The following KDM2A variants were observed in gnomAD, a reference collection of about 807,000 sequenced individuals.
KDM2A encodes lysine-specific demethylase 2A.
Under a neutral mutation model 137.3 loss-of-function variants are expected in KDM2A, and 3 were observed. The observed-to-expected ratio is 0.02, with a 90% CI of 0.01 to 0.06. KDM2A has a LOEUF of 0.06. Ranked by LOEUF, KDM2A falls within the 10% of genes least tolerant of loss-of-function variation. KDM2A has a pLI of 1.00. For missense variants in KDM2A, 738 were observed against 1,510.6 expected (o/e 0.49, Z 8.48); for synonymous variants, 512 against 541.5 (o/e 0.95, Z 0.76).
At chr11:67,193,856 A>G (rs747918113) in intron 5 of KDM2A, among the ~76,000 whole-genome samples, 3 of 152,108 alleles carry the variant, frequency 2.0e-5, no homozygotes, top group Non-Finnish European at 2.9e-5. Context: ...GTGAGACCCC[A>G]TCTCAATACA....
chr11:67,178,573 A>G (rs1158278117), intron 2 of KDM2A, among the ~76,000 whole-genome samples: 2 of 152,270 alleles, frequency 1.3e-5, no homozygotes, highest in South Asian at 2.1e-4. Context: ...CCTGGCAACT[A>G]TGAATCTAGT....
chr11:67,252,460 T>A lies in KDM2A; in HGVS notation c.2769-234T>A, dbSNP rs959490826. 5 of 532,370 alleles carry A rather than the reference T, an allele frequency of 9.4e-6. No homozygotes were observed. In the East Asian group the frequency reaches 1.0e-4, roughly 11 times the overall value. The allele number at this position is 532,370 out of a possible 1,614,324, so 33.0% of individuals were successfully genotyped here. ...CACTCCAGAATAAATCAGGGTAAAG[T>A]GGTCAAGTTATATACTATCAACATG... is the stretch of plus-strand genomic sequence containing the variant. On this transcript the variant is annotated intron_variant, in intron 17 of 20. Coordinates refer to ENST00000529006, the MANE Select transcript of KDM2A (RefSeq NM_012308.3).
chr11:67,175,158 T>G (rs1224457290), intron 2 of KDM2A, among the ~76,000 whole-genome samples: 1 of 152,218 alleles, frequency 6.6e-6, no homozygotes, highest in Non-Finnish European at 1.5e-5. Context: ...CCAGGGTTAC[T>G]GTGAGGATTG....
chr11:67,231,790 C>A lies in KDM2A; in HGVS notation c.1309C>A (p.Gln437Lys). Residue 437 changes from glutamine to lysine, a missense_variant, in exon 12 of 21, where the codon CAA becomes AAA. Around this residue, in one of 9 missense-constraint regions of KDM2A, gnomAD observed 113 missense variants for 133.5 expected, o/e 0.85. Transcript: ENST00000529006. Reference sequence around the variant, plus strand: ...CTGTAGCCGGGGCTCCCACAATGGACAAGTGTGGGATCCCCAGTGTGCTCC... The same window carrying A: ...CTGTAGCCGGGGCTCCCACAATGGAAAAGTGTGGGATCCCCAGTGTGCTCC... ...SDCSRGSHNG[Q>K]VWDPQCAPRK... The A allele has an allele frequency of 6.2e-7, 1 of 1,614,046 alleles. No homozygotes were observed. Among genetic ancestry groups the A allele is most frequent in the East Asian group, 2.2e-5 (1 of 44,890 alleles).
chr11:67,208,490 G>T (rs1857880857), intron 6 of KDM2A, among the ~76,000 whole-genome samples: 1 of 151,992 alleles, frequency 6.6e-6, no homozygotes, highest in Admixed American at 6.6e-5. Context: ...CAACCTTGGG[G>T]CCAGGCGCAG....
intron 2 of KDM2A, among the ~76,000 whole-genome samples, chr11:67,160,250 C>T (rs191097382): frequency 1.3e-5 from 2 of 152,116 alleles, no homozygotes; most frequent in Non-Finnish European, 2.9e-5. Context: ...TCTTTGTAGC[C>T]TCGAGGGATC....
At chr11:67,182,526 A>C (rs1234976329) in intron 5 of KDM2A, among the ~76,000 whole-genome samples, 1 of 135,542 alleles carries the variant, frequency 7.4e-6, no homozygotes, top group Non-Finnish European at 1.5e-5. Context: ...AAAATTGAAT[A>C]AGTCTTTTTT....
chr11:67,202,941 G>A lies in KDM2A; in HGVS notation c.308-4569G>A, dbSNP rs549432547. On this transcript the variant is annotated intron_variant, in intron 5 of 20. Transcript: ENST00000529006. ...GTCCAGGAGTTTGTGGCTGTGGTGA[G>A]CTGTGATTGCACCAGTGCACTCCAG... Among the ~76,000 whole-genome samples the A allele has an allele frequency of 5.3e-5, 8 of 151,592 alleles. No homozygotes were observed. The South Asian group carries it at 1.5e-3, about 28-fold the overall frequency.
chr11:67,179,173 T>C (rs74963484), intron 2 of KDM2A, among the ~76,000 whole-genome samples: 13,164 of 152,282 alleles, frequency 0.086, 1,926 homozygotes, highest in African/African-American at 0.3. Context: ...ATTTTTCATG[T>C]GCTTATTGTA....
intron 10 of KDM2A, among the ~76,000 whole-genome samples, chr11:67,224,476 T>TA (rs1348773231): frequency 2.1e-5 from 3 of 141,772 alleles, no homozygotes; most frequent in Non-Finnish European, 4.6e-5. Context: ...TTTTTTTTTT[T>TA]TTTTTTTGAG....
chr11:67,250,871 A>G lies in KDM2A; in HGVS notation c.2768+73A>G, dbSNP rs1859400468. ...GGCAGGTTTTCCATATGAGAACAGC[A>G]TGCACCTTGGCATCTGAAAGCCTGT... On this transcript the variant is annotated intron_variant, in intron 17 of 20. Transcript: ENST00000529006. The surrounding 1 kb of genome is among the most constrained non-coding windows in gnomAD (Gnocchi z 7.1). 2 of 1,147,318 alleles carry G rather than the reference A, an allele frequency of 1.7e-6. No individual in the cohort carries two copies. Among genetic ancestry groups the G allele is most frequent in the Non-Finnish European group, 2.5e-6 (2 of 801,282 alleles). 71.1% of individuals were successfully genotyped at this position (1,147,318 alleles called of 1,614,324 possible).
At chr11:67,127,172 T>A (rs1471518644) in intron 2 of KDM2A, among the ~76,000 whole-genome samples, 1 of 152,146 alleles carries the variant, frequency 6.6e-6, no homozygotes, top group Non-Finnish European at 1.5e-5. Flanking sequence ...ATCATTCCTC[T>A]TTGTAGCCTC....
In KDM2A at chr11:67,140,194, C is replaced by T. The variant is rs550156709; in HGVS notation, c.42+18836C>T. Among the ~76,000 whole-genome samples, 33 of 151,742 alleles carry T rather than the reference C, an allele frequency of 2.2e-4. 1 individual carries two copies. In the South Asian group the frequency reaches 5.4e-3, roughly 25 times the overall value. The stretch of plus-strand genomic sequence containing the variant: ...TAACCTGGGCAACATGGCGAAATCC[C>T]GTCTCTCCAAAAAATACAAAAATTA... On this transcript the variant is annotated intron_variant, in intron 2 of 20. Coordinates refer to ENST00000529006, the MANE Select transcript of KDM2A (RefSeq NM_012308.3).
intron 12 of KDM2A, among the ~76,000 whole-genome samples, chr11:67,236,557 C>CT (rs1858877664): frequency 6.6e-6 from 1 of 152,188 alleles, no homozygotes; most frequent in Non-Finnish European, 1.5e-5. Context: ...GCCCAGCTCA[C>CT]TTAATAAAGC....
At chr11:67,161,162 G>T (rs151255255) in intron 2 of KDM2A, among the ~76,000 whole-genome samples, 226 of 152,250 alleles carry the variant, frequency 1.5e-3, no homozygotes, top group African/African-American at 4.9e-3. Context: ...AGGAGTTTGA[G>T]ACTAACTTGA....
chr11:67,220,437 A>C (rs1052775183), intron 10 of KDM2A, among the ~76,000 whole-genome samples: 1 of 152,074 alleles, frequency 6.6e-6, no homozygotes, highest in African/African-American at 2.4e-5. Context: ...CAGAACTTTA[A>C]ATTCATGTAT....
At chr11:67,168,953 T>G (rs1194104839) in intron 2 of KDM2A, among the ~76,000 whole-genome samples, 10 of 3,224 alleles carry the variant, frequency 3.1e-3, no homozygotes, top group Non-Finnish European at 0.026. Context: ...TCCATGTAGT[T>G]TTTTTTTTTT....
At chr11:67,155,235 C>G (rs995960506) in intron 2 of KDM2A, among the ~76,000 whole-genome samples, 2 of 152,084 alleles carry the variant, frequency 1.3e-5, no homozygotes, top group Non-Finnish European at 2.9e-5. Flanking sequence ...AGGCTGGTCT[C>G]GAACTCCTGA....
At position 67,254,478 on chromosome 11, in the gene KDM2A, C is replaced by A; in HGVS notation, c.3307+60C>A. Reference sequence around the variant, plus strand: ...CCCCTGCCTCCAGCCCTCCCTGGAACTTGATCAGTAAACCAGAATGACCTT... The same window carrying A: ...CCCCTGCCTCCAGCCCTCCCTGGAAATTGATCAGTAAACCAGAATGACCTT... On this transcript the variant is annotated intron_variant, in intron 20 of 20. Coordinates refer to ENST00000529006, the MANE Select transcript of KDM2A (RefSeq NM_012308.3). This position sits in a 1 kb window ranked among gnomAD's most constrained non-coding sequence, Gnocchi z 4.7. 1 of 1,428,836 alleles carries A rather than the reference C, an allele frequency of 7.0e-7. No individual in the cohort carries two copies. Among genetic ancestry groups the A allele is most frequent in the Non-Finnish European group, 9.8e-7 (1 of 1,016,260 alleles). The allele number at this position is 1,428,836 out of a possible 1,614,324, so 88.5% of individuals were successfully genotyped here.
Sources: allele counts gnomAD v4.1 joint callset (sites outside exome capture counted in the v4.1 genomes callset), GRCh38; gene constraint gnomAD v4.1.1; regional missense constraint gnomAD v4.1.1; non-coding constraint Gnocchi (gnomAD v3.1); transcripts MANE v1.5; gene names NCBI Gene and HGNC (gene_info 2026-07-23, HGNC 2026-07-21).